Variants in ZFP1 observed in about 807,000 individuals in gnomAD.
ZFP1 encodes zinc finger protein 1 homolog.
ZFP1 carries 32 observed loss-of-function variants against 38.5 expected under a neutral mutation model. The observed-to-expected ratio is 0.83, with a 90% CI of 0.63 to 1.12. The LOEUF is 1.12. ZFP1 is among the 50% of genes most tolerant of loss of function. The pLI is 0.00. For missense variants in ZFP1, 616 were observed against 480.8 expected (o/e 1.28, Z -2.63); for synonymous variants, 245 against 168.8 (o/e 1.45, Z -3.50).
intron 2 of ZFP1, 97 bp from the exon 3 acceptor site, chr16:75,166,671 AAT>A: frequency 6.3e-7 from 1 of 1,595,014 alleles, no homozygotes; most frequent in Non-Finnish European, 8.5e-7. Context: ...TCGTTGGTGT[AAT>A]ATATAGATTT....
the ZFP1 span, among the ~76,000 whole-genome samples, chr16:75,139,710 G>C: frequency 4.6e-5 from 7 of 152,116 alleles, no homozygotes; most frequent in African/African-American, 1.7e-4. Flanking sequence ...GGAGGCCTTG[G>C]ACAAGCCAGG....
In ZFP1 at chr16:75,169,596, A is replaced by C; in HGVS notation, c.486A>C (p.Gly162=). ...AATATTCTGAATACAATAAAAGTGG[A>C]AAAGCCCTCAGCCATAAAGCAGCCA... is the stretch of plus-strand genomic sequence containing the variant. ...GVEYSEYNKS[G]KALSHKAAIF... The change falls in exon 4 of 4, where the codon GGA becomes GGC. Residue 162 remains glycine, a synonymous_variant. Coordinates refer to ENST00000570010, the MANE Select transcript of ZFP1 (RefSeq NM_153688.4). 2.5e-6 allele frequency: 4 copies of C among 1,595,406 alleles called. No homozygotes were observed. The South Asian group carries it at 4.6e-5, about 18-fold the overall frequency.
upstream of ZFP1, among the ~76,000 whole-genome samples, chr16:75,146,207 G>C (rs2036942368): frequency 6.6e-6 from 1 of 151,112 alleles, no homozygotes; most frequent in Admixed American, 6.6e-5. Flanking sequence ...CTGTCGCCCA[G>C]GCTGGAGTTC....
the ZFP1 span, among the ~76,000 whole-genome samples, chr16:75,129,512 T>C: frequency 2.0e-5 from 3 of 152,208 alleles, no homozygotes; most frequent in Admixed American, 6.5e-5. Context: ...GATAAATGCG[T>C]ATCCTTTTGC....
At chr16:75,121,487 CT>C in the ZFP1 span, among the ~76,000 whole-genome samples, 2 of 152,136 alleles carry the variant, frequency 1.3e-5, no homozygotes, top group East Asian at 1.9e-4. Flanking sequence ...CACCATCAGA[CT>C]TTTTCTCTCT....
the ZFP1 span, among the ~76,000 whole-genome samples, chr16:75,135,643 G>C: frequency 6.6e-6 from 1 of 152,182 alleles, no homozygotes; most frequent in Non-Finnish European, 1.5e-5. Flanking sequence ...AGGTGTTCAA[G>C]GTGGGAGGGA....
chr16:75,135,260 C>CAAAAAGTGAATGGATAAACCAACTGTA, the ZFP1 span, among the ~76,000 whole-genome samples: 117,887 of 129,366 alleles, frequency 0.91, 53,825 homozygotes, highest in African/African-American at 0.92. Context: ...AGAGATCCTT[C>CAAAAAGTGAATGGATAAACCAACTGTA]ACTCATTCAT....
the ZFP1 span, among the ~76,000 whole-genome samples, chr16:75,132,947 C>T: frequency 6.6e-6 from 1 of 151,230 alleles, no homozygotes; most frequent in Non-Finnish European, 1.5e-5. Context: ...GCATGAGCCA[C>T]CACGCCCAGC....
upstream of ZFP1, among the ~76,000 whole-genome samples, chr16:75,144,449 G>A (rs527830207): frequency 7.4e-4 from 112 of 152,214 alleles, no homozygotes; most frequent in Non-Finnish European, 1.0e-3. Flanking sequence ...CCTACTAAAA[G>A]ATTTTTAGAT....
At chr16:75,157,999 G>T (rs1191203617) in intron 2 of ZFP1, among the ~76,000 whole-genome samples, 1 of 151,810 alleles carries the variant, frequency 6.6e-6, no homozygotes, top group African/African-American at 2.4e-5. Context: ...GGTTGCCCAG[G>T]CTGGTCTCAA....
chr16:75,139,561 G>A, the ZFP1 span, among the ~76,000 whole-genome samples: 129 of 151,870 alleles, frequency 8.5e-4, 1 homozygote, highest in South Asian at 0.025. Context: ...GCATGGTGGC[G>A]CACATGTGTG....
upstream of ZFP1, among the ~76,000 whole-genome samples, chr16:75,145,547 C>T (rs1020809877): frequency 5.9e-5 from 9 of 152,130 alleles, no homozygotes; most frequent in African/African-American, 2.2e-4. Flanking sequence ...CCCATAAGAA[C>T]CCCAAATCCC....
intron 2 of ZFP1, among the ~76,000 whole-genome samples, chr16:75,164,705 G>C (rs900841674): frequency 5.9e-5 from 9 of 151,960 alleles, no homozygotes; most frequent in African/African-American, 2.2e-4. Flanking sequence ...AGCTAAGAAT[G>C]GTTTTTAATT....
At chr16:75,166,669 G>T in intron 2 of ZFP1, 101 bp from the exon 3 acceptor site, 1 of 1,591,544 alleles carries the variant, frequency 6.3e-7, no homozygotes, top group Non-Finnish European at 8.5e-7. Flanking sequence ...TATCGTTGGT[G>T]TAATATATAG....
chr16:75,145,386 G>A (rs2036931882), upstream of ZFP1, among the ~76,000 whole-genome samples: 1 of 152,152 alleles, frequency 6.6e-6, no homozygotes, highest in Non-Finnish European at 1.5e-5. Context: ...CTAATGATAT[G>A]GACAGGAGGC....
the ZFP1 span, among the ~76,000 whole-genome samples, chr16:75,119,406 T>G: frequency 3.9e-5 from 6 of 152,170 alleles, no homozygotes; most frequent in Non-Finnish European, 8.8e-5. Flanking sequence ...TCCTCTTTTT[T>G]TTTTGGAGTT....
the ZFP1 span, chr16:75,119,556 A>T: frequency 1.3e-5 from 2 of 152,216 alleles, no homozygotes; most frequent in African/African-American, 4.8e-5. Flanking sequence ...GGTAGAGAGC[A>T]GTCTTCAGCC....
At position 75,170,372 on chromosome 16, in the gene ZFP1, G is replaced by T; in HGVS notation, c.*38G>T. 6.6e-7 allele frequency: 1 copy of T among 1,525,212 alleles called. No individual in the cohort carries two copies. The highest frequency in any genetic ancestry group is 8.8e-7 in the Non-Finnish European group (1 of 1,137,560). 94.5% of individuals were successfully genotyped at this position (1,525,212 alleles called of 1,614,324 possible). ...GTCTTACTGTGGAAAACTCCTGCCA[G>T]AACTCTTCAAGCGGGTGAAAAACCT... On this transcript the variant is annotated 3_prime_UTR_variant, in exon 4 of 4. Coordinates refer to ENST00000570010, the MANE Select transcript of ZFP1 (RefSeq NM_153688.4).
the ZFP1 span, among the ~76,000 whole-genome samples, chr16:75,120,297 G>A: frequency 6.6e-6 from 1 of 152,002 alleles, no homozygotes; most frequent in East Asian, 1.9e-4. Context: ...ATTTACTTCG[G>A]CTGTATCTCC....
Sources: allele counts gnomAD v4.1 joint callset (sites outside exome capture counted in the v4.1 genomes callset), GRCh38; gene constraint gnomAD v4.1.1; transcripts MANE v1.5; gene names NCBI Gene and HGNC (gene_info 2026-07-23, HGNC 2026-07-21).